MYH15: variants seen among roughly 807,000 people sequenced by gnomAD.
MYH15 encodes the protein myosin heavy chain 15.
MYH15 carries 227 observed loss-of-function variants against 240.5 expected under a neutral mutation model. The ratio of observed to expected loss-of-function variants is 0.94; its 90% CI spans 0.85 to 1.05. The LOEUF is 1.05. Among genes scored for constraint, MYH15 ranks in the 50% least tolerant of loss-of-function variants. The pLI is 0.00. For missense variants in MYH15, 2,217 were observed against 2,247.5 expected, an observed-to-expected ratio of 0.99 and a Z score of 0.27; for synonymous variants, 785 against 796.7, an observed-to-expected ratio of 0.99 and a Z score of 0.25.
At chr3:108,422,977 T>C (rs1478316980) in intron 27 of MYH15, among the ~76,000 whole-genome samples, 1 of 152,194 alleles carries the variant, frequency 6.6e-6, no homozygotes, top group East Asian at 1.9e-4. Context: ...TTTCCTTAGT[T>C]CAGCTAAAGA....
chr3:108,434,961 A>G (rs925448516), intron 25 of MYH15, among the ~76,000 whole-genome samples: 2 of 152,218 alleles, frequency 1.3e-5, no homozygotes, highest in African/African-American at 4.8e-5. Context: ...GTTTACTAGT[A>G]ATGACTGCAT....
chr3:108,449,964 G>C (rs1405567685), intron 21 of MYH15, among the ~76,000 whole-genome samples: 1 of 152,032 alleles, frequency 6.6e-6, no homozygotes, highest in African/African-American at 2.4e-5. Flanking sequence ...ATGAAAAAAT[G>C]TTCAACATCA....
At chr3:108,444,155 A>T (rs943081471) in intron 22 of MYH15, among the ~76,000 whole-genome samples, 14 of 151,748 alleles carry the variant, frequency 9.2e-5, no homozygotes, top group East Asian at 3.9e-4. Flanking sequence ...AATAATAATA[A>T]AATTAATTAA....
At chr3:108,423,265 C>T (rs1176406409) in intron 27 of MYH15, among the ~76,000 whole-genome samples, 1 of 152,190 alleles carries the variant, frequency 6.6e-6, no homozygotes, top group East Asian at 1.9e-4. Context: ...GACCCCCTCC[C>T]ACCTGGCTGT....
intron 7 of MYH15, among the ~76,000 whole-genome samples, chr3:108,493,944 A>G (rs2083372839): frequency 6.6e-6 from 1 of 152,208 alleles, no homozygotes; most frequent in South Asian, 2.1e-4. Flanking sequence ...TTTCTTCCTT[A>G]TCAGTGAAAA....
intron 29 of MYH15, among the ~76,000 whole-genome samples, chr3:108,416,142 AGAAAGTATGGAGAGTTAAGG>A (rs1207809989): frequency 9.2e-5 from 14 of 152,364 alleles, no homozygotes; most frequent in Non-Finnish European, 2.1e-4. Context: ...TATATAATAT[AGAAAGTATGGAGAGTTAAGG>A]GAATAAAATG....
At chr3:108,548,280 C>A in the MYH15 span, among the ~76,000 whole-genome samples, 2 of 152,010 alleles carry the variant, frequency 1.3e-5, no homozygotes, top group Non-Finnish European at 2.9e-5. Flanking sequence ...TAAAAGTAAA[C>A]TGATAGAAAA....
intron 15 of MYH15, 78 bp from the exon 16 acceptor site, chr3:108,463,321 C>A: frequency 8.7e-7 from 1 of 1,143,472 alleles, no homozygotes; most frequent in Non-Finnish European, 1.2e-6. Context: ...TGCATTACCC[C>A]TTTTTTTTTT....
chr3:108,450,123 C>G (rs191087442), intron 21 of MYH15, among the ~76,000 whole-genome samples: 252 of 152,122 alleles, frequency 1.7e-3, no homozygotes, highest in African/African-American at 6.0e-3. Context: ...TAAATTGGTA[C>G]AGCCATTATG....
chr3:108,526,043 T>C (rs2083667693), intron 1 of MYH15, among the ~76,000 whole-genome samples: 1 of 152,150 alleles, frequency 6.6e-6, no homozygotes, highest in Admixed American at 6.6e-5. Context: ...GAGCTGCTCA[T>C]CTATAATTCC....
intron 18 of MYH15, among the ~76,000 whole-genome samples, chr3:108,458,642 A>C (rs1576245918): frequency 6.6e-6 from 1 of 152,076 alleles, no homozygotes; most frequent in African/African-American, 2.4e-5. Context: ...CAAGCTCCAG[A>C]GGGGCCAGTA....
intron 2 of MYH15, among the ~76,000 whole-genome samples, chr3:108,503,281 T>C (rs529292470): frequency 3.9e-4 from 59 of 152,290 alleles, no homozygotes; most frequent in Non-Finnish European, 6.9e-4. Flanking sequence ...GACAGTAGTT[T>C]GTTTTGGAGA....
At chr3:108,411,443 C>T (rs555073335) in intron 30 of MYH15, among the ~76,000 whole-genome samples, 5 of 152,222 alleles carry the variant, frequency 3.3e-5, no homozygotes, top group Middle Eastern at 3.4e-3. Flanking sequence ...TTCTTCTCTC[C>T]GAGTTTGTTC....
upstream of MYH15, among the ~76,000 whole-genome samples, chr3:108,533,419 A>G (rs74717132): frequency 0.013 from 1,989 of 152,288 alleles, 43 homozygotes; most frequent in African/African-American, 0.046. Flanking sequence ...TAATTAAATT[A>G]TTGAATTAAA....
chr3:108,538,993 T>C, the MYH15 span, among the ~76,000 whole-genome samples: 1 of 152,112 alleles, frequency 6.6e-6, no homozygotes, highest in Non-Finnish European at 1.5e-5. Context: ...TTGCAATACT[T>C]GCAAGCCCAC....
chr3:108,507,226 AATATATATATATATATATATATAT>A (rs147101810), intron 1 of MYH15, among the ~76,000 whole-genome samples: 9,502 of 98,518 alleles, frequency 0.096, 759 homozygotes, highest in Middle Eastern at 0.14. Context: ...AAGGAAAATG[AATATATATATATATATATATATAT>A]ATATATATAT....
rs773415411 is a variant in MYH15, at chr3:108,501,693, A to C, written c.339+19T>G. ...GTGACTGCCAACATGACAGTTTAGCAGGAAAGCATATTACACACATAGATC... is the reference window on the plus strand; with the variant it reads ...GTGACTGCCAACATGACAGTTTAGCCGGAAAGCATATTACACACATAGATC... On this transcript the variant is annotated intron_variant, in intron 3 of 40. Coordinates refer to ENST00000693548, the MANE Select transcript of MYH15 (RefSeq NM_014981.3). 2 of 1,613,514 alleles carry C rather than the reference A, an allele frequency of 1.2e-6. No homozygotes were observed. The highest frequency in any genetic ancestry group is 1.1e-5 in the South Asian group (1 of 91,036).
At chr3:108,387,156 A>G (rs1056115239) in intron 38 of MYH15, among the ~76,000 whole-genome samples, 3 of 152,170 alleles carry the variant, frequency 2.0e-5, no homozygotes, top group African/African-American at 7.2e-5. Flanking sequence ...TAAGAAAATG[A>G]TATTTGTGTC....
chr3:108,470,714 C>T lies in MYH15; in HGVS notation c.1367G>A (p.Gly456Asp). 6.2e-7 allele frequency: 1 copy of T among 1,613,684 alleles called. No individual in the cohort carries two copies. The highest frequency in any genetic ancestry group is 8.5e-7 in the Non-Finnish European group (1 of 1,179,792). ...QFFIGILDIT[G>D]FEILEYNSLE... ...TACACTTACCTCAAGGATTTCAAAA[C>T]CAGTGATGTCAAGAATGCCAATGAA... is the stretch of plus-strand genomic sequence containing the variant. The change falls in exon 13 of 41, where the codon GGT becomes GAT. Residue 456 changes from glycine (G) to aspartate (D), a missense_variant. Physicochemically the swap from Gly to Asp is moderately conservative, Grantham distance 94. Transcript: ENST00000693548.
Sources: gnomAD v4.1 joint callset for allele counts (sites outside exome capture counted in the v4.1 genomes callset) on GRCh38, gnomAD v4.1.1 for gene constraint, MANE v1.5 for transcripts, NCBI Gene and HGNC (gene_info 2026-07-23, HGNC 2026-07-21) for gene names.